The following PTPRD variants were observed in gnomAD, a reference collection of about 807,000 sequenced individuals.
The protein encoded by PTPRD is receptor-type tyrosine-protein phosphatase delta.
In PTPRD, 34 loss-of-function variants were observed where a neutral mutation model predicts 214.5. The ratio of observed to expected loss-of-function variants is 0.16; its 90% CI spans 0.12 to 0.21. PTPRD has a LOEUF of 0.21. Among genes scored for constraint, PTPRD ranks in the 10% least tolerant of loss-of-function variants. PTPRD has a pLI of 1.00. For synonymous variants in PTPRD, 1,128 were observed against 845.7 expected (o/e 1.33, Z -5.79); for missense variants, 2,545 against 2,398.7 (o/e 1.06, Z -1.27).
intron 11 of PTPRD, among the ~76,000 whole-genome samples, chr9:8,913,601 G>A (rs572693783): frequency 3.3e-5 from 5 of 151,996 alleles, no homozygotes; most frequent in East Asian, 1.9e-4. Flanking sequence ...GCTATACATT[G>A]GTATTCTGAC....
chr9:10,527,709 AATTCCGTTAACACTAACT>A (rs2054739884), intron 2 of PTPRD, among the ~76,000 whole-genome samples: 1 of 152,132 alleles, frequency 6.6e-6, no homozygotes, highest in African/African-American at 2.4e-5. Context: ...TCACACTGAT[AATTCCGTTAACACTAACT>A]AGAATGATTT....
At chr9:9,916,296 CT>C (rs2080786835) in intron 5 of PTPRD, among the ~76,000 whole-genome samples, 1 of 151,754 alleles carries the variant, frequency 6.6e-6, no homozygotes, top group Admixed American at 6.6e-5. Flanking sequence ...CTCAAATTCA[CT>C]GATACACACA....
chr9:8,425,644 C>T (rs1001744659), intron 35 of PTPRD, among the ~76,000 whole-genome samples: 2 of 151,236 alleles, frequency 1.3e-5, no homozygotes, highest in African/African-American at 4.8e-5. Context: ...ATTAACTTAA[C>T]AATTATTTTT....
At chr9:9,894,667 G>C (rs938807618) in intron 5 of PTPRD, among the ~76,000 whole-genome samples, 1 of 151,880 alleles carries the variant, frequency 6.6e-6, no homozygotes, top group African/African-American at 2.4e-5. Context: ...TTTCATAACA[G>C]TTACCATTTC....
In PTPRD at chr9:10,316,007, T is replaced by C. The variant is rs575125745; in HGVS notation, c.-545+24956A>G. Among the ~76,000 whole-genome samples the C allele has an allele frequency of 2.4e-3, 360 of 151,860 alleles. 1 individual carries two copies. Among genetic ancestry groups the C allele is most frequent in the Non-Finnish European group, 4.2e-3 (283 of 67,886 alleles). On this transcript the variant is annotated intron_variant, in intron 3 of 45. Coordinates refer to ENST00000381196, the MANE Select transcript of PTPRD (RefSeq NM_002839.4). ...GTGGAATTCATAAGAAAATAAGAGA[T>C]AGTTTAAGACACAAAGTGAGCTGAA...
chr9:10,568,072 C>A (rs577149691), intron 2 of PTPRD, among the ~76,000 whole-genome samples: 1 of 151,192 alleles, frequency 6.6e-6, no homozygotes, highest in Non-Finnish European at 1.5e-5. Flanking sequence ...CCCATTAACT[C>A]GTCATTTAGC....
chr9:9,674,838 C>T (rs958714753), intron 7 of PTPRD, among the ~76,000 whole-genome samples: 1 of 151,708 alleles, frequency 6.6e-6, no homozygotes, highest in Non-Finnish European at 1.5e-5. Flanking sequence ...TCACTGGTAG[C>T]TGGTGTTGAG....
At chr9:10,092,222 A>G (rs34446647) in intron 3 of PTPRD, among the ~76,000 whole-genome samples, 180 of 151,628 alleles carry the variant, frequency 1.2e-3, no homozygotes, top group Middle Eastern at 6.8e-3. Flanking sequence ...TCAAGCAATA[A>G]ATAAGCACAC....
chr9:9,255,202 CAAG>C (rs2099977218), intron 9 of PTPRD, among the ~76,000 whole-genome samples: 1 of 151,978 alleles, frequency 6.6e-6, no homozygotes, highest in Admixed American at 6.6e-5. Flanking sequence ...TTTAGGTGTT[CAAG>C]AAGAATAAAA....
chr9:10,562,612 AAAG>A (rs1175199936), intron 2 of PTPRD, among the ~76,000 whole-genome samples: 1 of 152,154 alleles, frequency 6.6e-6, no homozygotes, highest in African/African-American at 2.4e-5. Context: ...GTACTTTCAG[AAAG>A]TTAATACGTC....
chr9:10,485,764 T>C (rs998455404), intron 2 of PTPRD, among the ~76,000 whole-genome samples: 2 of 152,118 alleles, frequency 1.3e-5, no homozygotes, highest in Admixed American at 6.5e-5. Flanking sequence ...TTTGGTGGAA[T>C]CTTTAGGTTT....
chr9:9,804,629 T>G (rs1006692308), intron 5 of PTPRD, among the ~76,000 whole-genome samples: 18 of 152,044 alleles, frequency 1.2e-4, no homozygotes, highest in Non-Finnish European at 2.4e-4. Context: ...ATACATAAAA[T>G]TTTAAATTAT....
chr9:9,106,752 A>T (rs1020172613), intron 10 of PTPRD, among the ~76,000 whole-genome samples: 6 of 152,128 alleles, frequency 3.9e-5, no homozygotes, highest in Non-Finnish European at 8.8e-5. Context: ...AAAAAATTTC[A>T]ATACATGATA....
chr9:8,933,267 C>T (rs7466136), intron 11 of PTPRD, among the ~76,000 whole-genome samples: 1 of 145,210 alleles, frequency 6.9e-6, no homozygotes, highest in Non-Finnish European at 1.5e-5. Context: ...CATCTGTCTT[C>T]TTCATTGGTA....
At chr9:9,210,681 G>A (rs562585490) in intron 9 of PTPRD, among the ~76,000 whole-genome samples, 1 of 151,892 alleles carries the variant, frequency 6.6e-6, no homozygotes, top group Non-Finnish European at 1.5e-5. Context: ...CATGCCACAT[G>A]CCACATACAT....
chr9:8,675,513 G>GCA (rs2097385378), intron 12 of PTPRD, among the ~76,000 whole-genome samples: 1 of 102,496 alleles, frequency 9.8e-6, no homozygotes, highest in Non-Finnish European at 1.7e-5. Context: ...ACACACATAT[G>GCA]CACACATACA....
intron 8 of PTPRD, among the ~76,000 whole-genome samples, chr9:9,501,358 C>T (rs143312162): frequency 6.6e-4 from 100 of 151,756 alleles, no homozygotes; most frequent in Non-Finnish European, 1.2e-3. Context: ...GGCTTCTAAA[C>T]AATATAACCA....
At chr9:9,434,283 T>C (rs1383238679) in intron 8 of PTPRD, among the ~76,000 whole-genome samples, 1 of 152,148 alleles carries the variant, frequency 6.6e-6, no homozygotes, top group Non-Finnish European at 1.5e-5. Flanking sequence ...GTATTTAAAA[T>C]AGCTTATTTA....
At chr9:9,204,092 A>C (rs2099943409) in intron 9 of PTPRD, among the ~76,000 whole-genome samples, 1 of 152,160 alleles carries the variant, frequency 6.6e-6, no homozygotes, top group East Asian at 1.9e-4. Flanking sequence ...ATTACTGCTA[A>C]AATTAATGCT....
Sources: allele counts gnomAD v4.1 joint callset (sites outside exome capture counted in the v4.1 genomes callset), GRCh38; gene constraint gnomAD v4.1.1; transcripts MANE v1.5; gene names NCBI Gene and HGNC (gene_info 2026-07-23, HGNC 2026-07-21).